TGS1: variants seen among roughly 807,000 people sequenced by gnomAD.
TGS1 encodes the protein trimethylguanosine synthase 1, also known as trimethylguanosine synthase.
TGS1 carries 69 observed loss-of-function variants against 92.2 expected under a neutral mutation model. That is an observed-to-expected ratio of 0.75 (90% CI 0.62 to 0.91). The LOEUF (loss-of-function observed/expected upper bound fraction) is 0.91. TGS1 is among the 40% of genes least tolerant of loss of function. The probability of loss-of-function intolerance (pLI) is 0.00; values close to 1 mark genes in which losing one functional copy is unlikely to be tolerated. For synonymous variants in TGS1, 345 were observed against 338.1 expected, an observed-to-expected ratio of 1.02 and a Z score of -0.22; for missense variants, 1,062 against 1,001.2, an observed-to-expected ratio of 1.06 and a Z score of -0.82.
At chr8:55,804,765 T>G (rs1812316341) in intron 9 of TGS1, 128 bp from the exon 10 acceptor site, 2 of 787,778 alleles carry the variant, frequency 2.5e-6, no homozygotes, top group Non-Finnish European at 3.8e-6. Context: ...ACTGGGTGAT[T>G]TATAATTTTT....
At chr8:55,801,356 C>T (rs143912275) in intron 8 of TGS1, among the ~76,000 whole-genome samples, 1,897 of 151,740 alleles carry the variant, frequency 0.013, 16 homozygotes, top group Non-Finnish European at 0.017. Context: ...CTGCAACCTC[C>T]GCCTCCCAGG....
At position 55,804,995 on chromosome 8, in the gene TGS1, T is replaced by C. The variant is rs758801584; in HGVS notation, c.2102T>C (p.Val701Ala). The part of the protein sequence containing the change: ...CDVVVDAFCG[V>A]GGNTIQFALT... ...GTTGTAGTAGACGCATTCTGTGGAG[T>C]TGGAGGAAATACCATTCAGTTTGCC... Residue 701 changes from valine (V) to alanine (A), a missense_variant, in exon 10 of 13, where the codon GTT becomes GCT. Coordinates refer to ENST00000260129, the MANE Select transcript of TGS1 (RefSeq NM_024831.8). The C allele has an allele frequency of 3.7e-6, 6 of 1,613,936 alleles. No individual in the cohort carries two copies. Among genetic ancestry groups the C allele is most frequent in the African/African-American group, 1.3e-5 (1 of 74,972 alleles).
chr8:55,818,802 A>G lies in TGS1; in HGVS notation c.2439+5684A>G, dbSNP rs566970354. On this transcript the variant is annotated intron_variant, in intron 12 of 12. Coordinates refer to ENST00000260129, the MANE Select transcript of TGS1 (RefSeq NM_024831.8). ...GATATCCAGCTCTTCTGGGCCACAC[A>G]TAGTGCTACCTGCCAGTCCTGTGCT... 1.1e-3 allele frequency among the ~76,000 whole-genome samples: 164 copies of G among 152,294 alleles called. 1 individual carries two copies. The highest frequency in any genetic ancestry group is 3.8e-3 in the African/African-American group (159 of 41,574).
In TGS1 at chr8:55,773,654, G is replaced by GT; in HGVS notation, c.39dup (p.Leu14SerfsTer4). 6.2e-7 allele frequency: 1 copy of GT among 1,611,396 alleles called. No homozygotes were observed. Among genetic ancestry groups the GT allele is most frequent in the African/African-American group, 1.3e-5 (1 of 74,956 alleles). ...AGAAGTGGAGCCGCGTGGCGGAAAT[G>GT]TTTCTCTTCATTGAGGAGCGGGAGG... is the stretch of plus-strand genomic sequence containing the variant. On this transcript the variant is annotated frameshift_variant, in exon 1 of 13. Transcript: ENST00000260129. LOFTEE classifies it high-confidence loss of function.
chr8:55,801,563 T>C (rs1812213626), intron 8 of TGS1, among the ~76,000 whole-genome samples: 1 of 129,410 alleles, frequency 7.7e-6, no homozygotes, highest in East Asian at 2.5e-4. Context: ...CATGAACCAC[T>C]GCGCCCAGCC....
chr8:55,782,146 CTTTATTTATTTAT>C (rs1417456427), intron 1 of TGS1, among the ~76,000 whole-genome samples: 4 of 150,734 alleles, frequency 2.7e-5, no homozygotes, highest in Non-Finnish European at 5.9e-5. Flanking sequence ...AGAACTTACA[CTTTATTTATTTAT>C]TTATTTATTT....
At position 55,796,012 on chromosome 8, in the gene TGS1, G is replaced by A. The variant is rs774278926; in HGVS notation, c.1402G>A (p.Val468Ile). 1 of 1,613,466 alleles carries A rather than the reference G, an allele frequency of 6.2e-7. No homozygotes were observed. The highest frequency in any genetic ancestry group is 2.2e-5 in the East Asian group (1 of 44,804). ...AATCCCAAATTTCAGTCATCGGCAG[G>A]TCAGGTATTTAGAGAAGAATGTGAA... ...GGIPNFSHRQ[V>I]RYLEKNVKLK... The change falls in exon 7 of 13, where the codon GTC becomes ATC. Residue 468 changes from valine to isoleucine, a missense_variant. Val to Ile is a conservative substitution (Grantham distance 29). Transcript: ENST00000260129.
intron 1 of TGS1, among the ~76,000 whole-genome samples, chr8:55,782,483 AT>A (rs1811593918): frequency 6.6e-6 from 1 of 152,188 alleles, no homozygotes; most frequent in Admixed American, 6.5e-5. Context: ...CCCAGCCTTA[AT>A]TTTAGTAACT....
intron 11 of TGS1, among the ~76,000 whole-genome samples, chr8:55,811,677 CT>C (rs1480094537): frequency 6.6e-6 from 1 of 152,070 alleles, no homozygotes; most frequent in African/African-American, 2.4e-5. Context: ...AGGAGAATCG[CT>C]TGGACCAGGG....
At chr8:55,802,682 A>G in intron 9 of TGS1, 76 bp downstream of exon 9, 1 of 1,408,898 alleles carries the variant, frequency 7.1e-7, no homozygotes, top group Non-Finnish European at 9.6e-7. Flanking sequence ...AGAATAATAC[A>G]GGGAATGTTC....
intron 1 of TGS1, among the ~76,000 whole-genome samples, chr8:55,777,790 C>G (rs964866961): frequency 2.7e-4 from 41 of 152,158 alleles, no homozygotes; most frequent in African/African-American, 9.9e-4. Flanking sequence ...CCGCCTTGGC[C>G]TCCCAAAGTG....
chr8:55,823,126 A>C (rs1361055023), intron 12 of TGS1, among the ~76,000 whole-genome samples: 1 of 152,154 alleles, frequency 6.6e-6, no homozygotes, highest in Non-Finnish European at 1.5e-5. Flanking sequence ...TACTGCCCTG[A>C]AAAACTGATC....
At chr8:55,802,899 A>G (rs977630473) in intron 9 of TGS1, among the ~76,000 whole-genome samples, 3 of 152,120 alleles carry the variant, frequency 2.0e-5, no homozygotes, top group African/African-American at 2.4e-5. Context: ...CATTGTTCCA[A>G]TATTTTAATC....
rs143047884 is a variant in TGS1, at chr8:55,798,777, CT to C, written c.1543-135del. ...TAGGTCAGAATTACTTACTATTAAG[CT>C]TGTGTGATGCAGTCTGCTTTTCAGA... is the stretch of plus-strand genomic sequence containing the variant. On this transcript the variant is annotated intron_variant, in intron 7 of 12. Transcript: ENST00000260129. 3,248 of 657,332 alleles carry C rather than the reference CT, an allele frequency of 4.9e-3. 85 individuals are homozygous for C. In the African/African-American group the frequency reaches 0.051, roughly 10 times the overall value. The allele number at this position is 657,332 out of a possible 1,614,324, so 40.7% of individuals were successfully genotyped here.
rs181261218 is a variant in TGS1 at position 55,774,253 on chromosome 8, G to A, written c.101+534G>A. On this transcript the variant is annotated intron_variant, in intron 1 of 12. Coordinates refer to ENST00000260129, the MANE Select transcript of TGS1 (RefSeq NM_024831.8). ...TAAAAATTGCCCCACATGAAAAATA[G>A]CTAGTATGCAGGAATAATACCGCCA... is the stretch of plus-strand genomic sequence containing the variant. 1.4e-4 allele frequency among the ~76,000 whole-genome samples: 22 copies of A among 152,278 alleles called. No individual in the cohort carries two copies. The East Asian group carries it at 4.2e-3, about 29-fold the overall frequency.
chr8:55,797,603 T>A (rs755978015), intron 7 of TGS1, among the ~76,000 whole-genome samples: 2 of 152,316 alleles, frequency 1.3e-5, no homozygotes, highest in Middle Eastern at 6.8e-3. Context: ...TTACCTGAAA[T>A]ATTCATATAT....
rs148848044 is a variant in TGS1, at chr8:55,781,423, ATAAG to A, written c.102-1321_102-1318del. Among the ~76,000 whole-genome samples the A allele has an allele frequency of 6.5e-3, 989 of 152,316 alleles. 8 individuals are homozygous for A. Among genetic ancestry groups the A allele is most frequent in the African/African-American group, 0.023 (956 of 41,558 alleles). On this transcript the variant is annotated intron_variant, in intron 1 of 12. Coordinates refer to ENST00000260129, the MANE Select transcript of TGS1 (RefSeq NM_024831.8). Reference sequence around the variant, plus strand: ...AATAAATTTTAAAATAATAAAGTAAATAAGTAACCTTCAACAAGGGGAATCTTGG... The same window carrying A: ...AATAAATTTTAAAATAATAAAGTAAATAACCTTCAACAAGGGGAATCTTGG...
intron 12 of TGS1, 34 bp from the exon 13 acceptor site, chr8:55,824,545 GGT>G (rs769371518): frequency 2.5e-6 from 4 of 1,612,780 alleles, no homozygotes; most frequent in African/African-American, 2.7e-5. Flanking sequence ...ATTATGCTTA[GGT>G]GTGTGTGTGA....
At chr8:55,774,974 G>A (rs539975800) in intron 1 of TGS1, among the ~76,000 whole-genome samples, 1 of 152,336 alleles carries the variant, frequency 6.6e-6, no homozygotes, top group Non-Finnish European at 1.5e-5. Context: ...GGGAGGGAGG[G>A]CACGGTGGTG....
Sources: gnomAD v4.1 joint callset for allele counts (sites outside exome capture counted in the v4.1 genomes callset) on GRCh38, gnomAD v4.1.1 for gene constraint, MANE v1.5 for transcripts, NCBI Gene and HGNC (gene_info 2026-07-23, HGNC 2026-07-21) for gene names.